Variants in SMARCD3 observed in about 807,000 individuals in gnomAD.
SMARCD3 encodes the protein SWI/SNF-related matrix-associated actin-dependent regulator of chromatin subfamily D member 3.
Under a neutral mutation model 58.0 loss-of-function variants are expected in SMARCD3, and 14 were observed. The ratio of observed to expected loss-of-function variants is 0.24; its 90% confidence interval spans 0.16 to 0.38. The LOEUF (loss-of-function observed/expected upper bound fraction) is 0.38, where lower values mean the gene tolerates loss of function less well. SMARCD3 is among the 10% of genes least tolerant of loss of function. The pLI is 1.00. For missense variants in SMARCD3, 408 were observed against 636.9 expected (o/e 0.64, Z 3.87); for synonymous variants, 253 against 253.8 (o/e 1.00, Z 0.03).
chr7:151,265,300 T>C (rs1804045920), intron 2 of SMARCD3, among the ~76,000 whole-genome samples: 1 of 152,034 alleles, frequency 6.6e-6, no homozygotes, highest in African/African-American at 2.4e-5. Context: ...AGAGAGATGA[T>C]GATGTAAAGA....
upstream of SMARCD3, among the ~76,000 whole-genome samples, chr7:151,252,218 A>G (rs946759522): frequency 6.6e-6 from 1 of 152,066 alleles, no homozygotes; most frequent in African/African-American, 2.4e-5. Context: ...AGCGGGGAAC[A>G]TGGAAGAAGG....
In SMARCD3 at chr7:151,267,461, G is replaced by A. The variant is rs1795028028; in HGVS notation, c.39+7653C>T. Among the ~76,000 whole-genome samples the A allele has an allele frequency of 2.0e-5, 3 of 152,184 alleles. 1 individual carries two copies. The South Asian group carries it at 6.2e-4, about 32-fold the overall frequency. On this transcript the variant is annotated intron_variant, in intron 2 of 13. Transcript: ENST00000356800. ...ACTGCTCCCCCATTCGTTATCGAAT[G>A]TACTGCGAAGTCCTCAGGGGTTGGT... is the stretch of plus-strand genomic sequence containing the variant.
At position 151,245,012 on chromosome 7, in the gene SMARCD3, A is replaced by G. The variant is rs1803185952; in HGVS notation, c.290+448T>C. ...TCCACCCCCATGGTCAGAGAGTCCC[A>G]TTGAGAAAATCTGGAGTGGCTTTGA... is the stretch of plus-strand genomic sequence containing the variant. On this transcript the variant is annotated intron_variant, in intron 2 of 12. Transcript: ENST00000262188. This position sits in a 1 kb window ranked among gnomAD's most constrained non-coding sequence, Gnocchi z 6.2. Among the ~76,000 whole-genome samples, 1 of 152,202 alleles carries G rather than the reference A, an allele frequency of 6.6e-6. No homozygotes were observed. Among genetic ancestry groups the G allele is most frequent in the African/African-American group, 2.4e-5 (1 of 41,448 alleles).
intron 2 of SMARCD3, among the ~76,000 whole-genome samples, chr7:151,260,989 G>GC (rs1803899869): frequency 1.3e-5 from 2 of 152,156 alleles, no homozygotes; most frequent in African/African-American, 4.8e-5. Flanking sequence ...CTTTACTCTG[G>GC]GGCTCAAATG....
intron 2 of SMARCD3, among the ~76,000 whole-genome samples, chr7:151,269,916 G>A (rs1040761411): frequency 1.3e-5 from 2 of 152,228 alleles, no homozygotes; most frequent in African/African-American, 4.8e-5. Context: ...GGCTGGAAAG[G>A]GAGAGCTCAC....
At chr7:151,252,077 G>A (rs1310195236), upstream of SMARCD3, among the ~76,000 whole-genome samples, 1 of 152,068 alleles carries the variant, frequency 6.6e-6, no homozygotes, top group East Asian at 1.9e-4. Context: ...ATGCGGGGAA[G>A]AGACTTAACT....
intron 2 of SMARCD3, among the ~76,000 whole-genome samples, chr7:151,260,382 C>T (rs1803878057): frequency 1.3e-5 from 2 of 152,120 alleles, no homozygotes; most frequent in African/African-American, 2.4e-5. Context: ...TTGTTCGAAA[C>T]ATTGGGAATA....
intron 2 of SMARCD3, among the ~76,000 whole-genome samples, chr7:151,261,829 C>G (rs1392420288): frequency 6.6e-6 from 1 of 152,228 alleles, no homozygotes; most frequent in Non-Finnish European, 1.5e-5. Context: ...GGCCGAGCTG[C>G]TGCTCTTAGA....
Position 151,238,938 on chromosome 7 carries a change from C to G in SMARCD3, c.*165G>C, listed in dbSNP as rs1022430210. ...CTTCTTCCCTTCCCCTTCTCTCCCC[C>G]TCCCCTCCCCAGTTTCCAATGACCA... is the stretch of plus-strand genomic sequence containing the variant. On this transcript the variant is annotated 3_prime_UTR_variant, in exon 13 of 13. Coordinates refer to ENST00000262188, the MANE Select transcript of SMARCD3 (RefSeq NM_001003801.2). 1.9e-6 allele frequency: 2 copies of G among 1,051,962 alleles called. No individual in the cohort carries two copies. Among genetic ancestry groups the G allele is most frequent in the East Asian group, 2.4e-5 (1 of 40,908 alleles). 65.2% of individuals were successfully genotyped at this position (1,051,962 alleles called of 1,614,324 possible).
At position 151,242,241 on chromosome 7, in the gene SMARCD3, G is replaced by A; in HGVS notation, c.580-9C>T. Reference sequence around the variant, plus strand: ...CGCTTCTGTTTGCTGGGCTGTGGGAGAGCAACAGGGACCATGGGGGCAGAA... The same window carrying A: ...CGCTTCTGTTTGCTGGGCTGTGGGAAAGCAACAGGGACCATGGGGGCAGAA... On this transcript the variant is annotated splice_polypyrimidine_tract_variant and intron_variant, in intron 5 of 12. Coordinates refer to ENST00000262188, the MANE Select transcript of SMARCD3 (RefSeq NM_001003801.2). This position sits in a 1 kb window ranked among gnomAD's most constrained non-coding sequence, Gnocchi z 4.7. 6.2e-7 allele frequency: 1 copy of A among 1,607,420 alleles called. No homozygotes were observed. Among genetic ancestry groups the A allele is most frequent in the Non-Finnish European group, 8.5e-7 (1 of 1,173,926 alleles).
intron 10 of SMARCD3, 94 bp downstream of exon 10, chr7:151,240,018 G>C: frequency 1.8e-6 from 2 of 1,127,990 alleles, no homozygotes; most frequent in Non-Finnish European, 2.6e-6. Context: ...ATTTAACCCA[G>C]ACTGCTCATC....
chr7:151,262,801 G>T (rs1803958933), intron 2 of SMARCD3, among the ~76,000 whole-genome samples: 1 of 152,228 alleles, frequency 6.6e-6, no homozygotes, highest in Non-Finnish European at 1.5e-5. Context: ...GATGCCCAAG[G>T]CTGGCATGGG....
intron 2 of SMARCD3, among the ~76,000 whole-genome samples, chr7:151,264,759 T>C (rs1804029320): frequency 6.6e-6 from 1 of 151,878 alleles, no homozygotes; most frequent in African/African-American, 2.4e-5. Flanking sequence ...GCAGAAGCAG[T>C]GGTGGTGGCG....
chr7:151,239,660 G>A lies in SMARCD3; in HGVS notation c.1260C>T (p.Val420=). 6.2e-7 allele frequency: 1 copy of A among 1,614,092 alleles called. No homozygotes were observed. Among genetic ancestry groups the A allele is most frequent in the Middle Eastern group, 1.6e-4 (1 of 6,062 alleles). ...GGCTCTGGGAGCGGAGCAGGTCTTGGACATAGCCTTTGGGGTCTCTGGAGA... is the reference window on the plus strand; with the variant it reads ...GGCTCTGGGAGCGGAGCAGGTCTTGAACATAGCCTTTGGGGTCTCTGGAGA... ...LSFSRDPKGY[V]QDLLRSQSRD... Residue 420 remains valine (V), a synonymous_variant, in exon 11 of 13, where the codon GTC becomes GTT. Transcript: ENST00000262188. This position sits in a 1 kb window ranked among gnomAD's most constrained non-coding sequence, Gnocchi z 7.0.
intron 2 of SMARCD3, among the ~76,000 whole-genome samples, chr7:151,272,129 A>G (rs1238976702): frequency 6.6e-6 from 1 of 152,190 alleles, no homozygotes; most frequent in Non-Finnish European, 1.5e-5. Context: ...AGAACATTGC[A>G]TAACTTTGTC....
upstream of SMARCD3, chr7:151,248,774 CGCGGCT>C: frequency 1.2e-6 from 1 of 822,980 alleles, no homozygotes; most frequent in South Asian, 5.6e-5. This position sits in a 1 kb window ranked among gnomAD's most constrained non-coding sequence, Gnocchi z 6.1. Context: ...CCGCCGCCGC[CGCGGCT>C]GCCGCATTCC....
chr7:151,269,239 G>A (rs1273804845), intron 2 of SMARCD3, among the ~76,000 whole-genome samples: 3 of 152,164 alleles, frequency 2.0e-5, no homozygotes, highest in Non-Finnish European at 2.9e-5. Context: ...TGGGCAGAGT[G>A]GAGTGGGTGC....
At position 151,243,707 on chromosome 7, in the gene SMARCD3, C is replaced by T. The variant is rs1397509161; in HGVS notation, c.291-6G>A. On this transcript the variant is annotated splice_polypyrimidine_tract_variant and splice_region_variant and intron_variant, in intron 2 of 12. Coordinates refer to ENST00000262188, the MANE Select transcript of SMARCD3 (RefSeq NM_001003801.2). This position sits in a 1 kb window ranked among gnomAD's most constrained non-coding sequence, Gnocchi z 4.4. Reference sequence around the variant, plus strand: ...CCATCTTCCTCCTCTTGGCACTGTACATTTTTTAAAGAAAAAACCAGGTTA... The same window carrying T: ...CCATCTTCCTCCTCTTGGCACTGTATATTTTTTAAAGAAAAAACCAGGTTA... 6.2e-7 allele frequency: 1 copy of T among 1,608,700 alleles called. No individual in the cohort carries two copies. Among genetic ancestry groups the T allele is most frequent in the East Asian group, 2.2e-5 (1 of 44,836 alleles).
At chr7:151,240,735 T>C (rs1802943692) in intron 8 of SMARCD3, 1 of 569,582 alleles carries the variant, frequency 1.8e-6, no homozygotes, top group African/African-American at 1.9e-5. Flanking sequence ...GGGCAGGGGT[T>C]GAGAGTGCGG....
Sources: allele counts gnomAD v4.1 joint callset (sites outside exome capture counted in the v4.1 genomes callset), GRCh38; gene constraint gnomAD v4.1.1; non-coding constraint Gnocchi (gnomAD v3.1); transcripts MANE v1.5; gene names NCBI Gene and HGNC (gene_info 2026-07-23, HGNC 2026-07-21).